ADAMTS13: variants seen among roughly 807,000 people sequenced by gnomAD.
ADAMTS13 encodes ADAM metallopeptidase with thrombospondin type 1 motif 13, also known as A disintegrin and metalloproteinase with thrombospondin motifs 13.
In ADAMTS13, 110 loss-of-function variants were observed where a neutral mutation model predicts 155.1. That is an observed-to-expected ratio of 0.71 (90% confidence interval 0.61 to 0.83). The LOEUF (loss-of-function observed/expected upper bound fraction) is 0.83, where lower values mean the gene tolerates loss of function less well. ADAMTS13 is among the 40% of genes least tolerant of loss of function. The pLI is 0.00. For synonymous variants in ADAMTS13, 758 were observed against 756.4 expected (o/e 1.00, Z -0.03); for missense variants, 1,707 against 1,891.7 (o/e 0.90, Z 1.81).
chr9:133,435,977 CTTTTTTT>C (rs781795173), intron 11 of ADAMTS13, among the ~76,000 whole-genome samples: 1 of 128,402 alleles, frequency 7.8e-6, no homozygotes, highest in Non-Finnish European at 1.7e-5. Flanking sequence ...CTTTTCTCTT[CTTTTTTT>C]TTTTTTTTTT....
rs1840160203 is a variant in ADAMTS13, at chr9:133,424,621, C to T, written c.330+143C>T. ...GGGGTTCTTCCTCTTCTCCCTCCCT[C>T]CCCTGGGTGGAGGTGGGTGAGGTCC... On this transcript the variant is annotated intron_variant, in intron 3 of 28. Transcript: ENST00000355699. The surrounding 1 kb of genome is among the most constrained non-coding windows in gnomAD (Gnocchi z 4.3). 2.3e-6 allele frequency: 3 copies of T among 1,290,700 alleles called. No homozygotes were observed. Among genetic ancestry groups the T allele is most frequent in the Non-Finnish European group, 2.2e-6 (2 of 928,558 alleles). The allele number at this position is 1,290,700 out of a possible 1,614,324, so 80.0% of individuals were successfully genotyped here. A position where few individuals can be genotyped will look rare whatever the true frequency, so the allele number is the denominator to read the frequency against.
At position 133,458,001 on chromosome 9, in the gene ADAMTS13, C is replaced by T; in HGVS notation, c.3816C>T (p.Phe1272=). The change falls in exon 28 of 29, where the codon TTC becomes TTT. Residue 1272 remains phenylalanine, a synonymous_variant. Coordinates refer to ENST00000355699, the MANE Select transcript of ADAMTS13 (RefSeq NM_139027.6). ...ATSNAGGCRL[F]INVAPHARIA... ...GTAATGCAGGGGGCTGCCGGCTCTT[C>T]ATTAATGTGGCTCCGCACGCACGGA... The T allele has an allele frequency of 6.2e-7, 1 of 1,613,642 alleles. No individual in the cohort carries two copies.
At chr9:133,428,794 G>T in intron 7 of ADAMTS13, 23 bp downstream of exon 7, 1 of 1,285,162 alleles carries the variant, frequency 7.8e-7, no homozygotes, top group Non-Finnish European at 9.8e-7. Flanking sequence ...CCGTGGGAGG[G>T]GCGCGCGAGC....
At position 133,426,068 on chromosome 9, in the gene ADAMTS13, C is replaced by G. The variant is rs782661001; in HGVS notation, c.539+6C>G. ...CTGGTCCTCTATATCACTAGGTAGC[C>G]GAGCTTTCTGATGGGTGCTGGCCAG... On this transcript the variant is annotated splice_donor_region_variant and intron_variant, in intron 5 of 28. Coordinates refer to ENST00000355699, the MANE Select transcript of ADAMTS13 (RefSeq NM_139027.6). 1 of 1,613,840 alleles carries G rather than the reference C, an allele frequency of 6.2e-7. No individual in the cohort carries two copies. The highest frequency in any genetic ancestry group is 1.3e-5 in the African/African-American group (1 of 74,914).
intron 11 of ADAMTS13, among the ~76,000 whole-genome samples, chr9:133,436,045 G>A (rs990548746): frequency 2.8e-5 from 4 of 140,992 alleles, no homozygotes; most frequent in Non-Finnish European, 4.5e-5. Context: ...CTTGAACTCC[G>A]ACCCCAGGTG....
upstream of ADAMTS13, chr9:133,421,854 G>A (rs963068463): frequency 6.4e-6 from 1 of 155,276 alleles, no homozygotes; most frequent in Non-Finnish European, 1.4e-5. Flanking sequence ...TAAAAGAGTG[G>A]TTTGGAGCAT....
intron 11 of ADAMTS13, among the ~76,000 whole-genome samples, chr9:133,434,153 A>G (rs1841007103): frequency 1.3e-5 from 2 of 152,048 alleles, no homozygotes; most frequent in South Asian, 4.2e-4. Context: ...CAGTTCATAA[A>G]CCAGGCCAGT....
At chr9:133,429,700 A>G in intron 7 of ADAMTS13, 1 of 693,062 alleles carries the variant, frequency 1.4e-6, no homozygotes, top group Non-Finnish European at 2.6e-6. Flanking sequence ...TCCCACTCAG[A>G]CCCGTCCCTC....
At chr9:133,417,961 G>A (rs1839777927), upstream of ADAMTS13, 4 of 952,546 alleles carry the variant, frequency 4.2e-6, no homozygotes, top group Non-Finnish European at 6.1e-6. Flanking sequence ...CCACCGCAGG[G>A]ACCCCGTCCA....
rs1263953314 is a variant in ADAMTS13, at chr9:133,425,904, T to C, written c.415-34T>C. The stretch of plus-strand genomic sequence containing the variant: ...CAGTCAGCACCGTGCCTGGTTGGGG[T>C]GTCCTAAATGCAGGCTTTGCTGTGG... On this transcript the variant is annotated intron_variant, in intron 4 of 28. Coordinates refer to ENST00000355699, the MANE Select transcript of ADAMTS13 (RefSeq NM_139027.6). The surrounding 1 kb of genome is among the most constrained non-coding windows in gnomAD (Gnocchi z 4.6). The C allele has an allele frequency of 2.5e-6, 4 of 1,612,158 alleles. No individual in the cohort carries two copies. The African/African-American group carries it at 5.3e-5, about 22-fold the overall frequency.
At chr9:133,418,470 A>G (rs192346933), upstream of ADAMTS13, among the ~76,000 whole-genome samples, 270 of 152,348 alleles carry the variant, frequency 1.8e-3, 1 homozygote, top group Middle Eastern at 0.017. Flanking sequence ...ACTCTGTAGC[A>G]GGACGAGCCG....
intron 10 of ADAMTS13, 35 bp from the exon 11 acceptor site, chr9:133,433,606 G>C (rs2130826123): frequency 6.2e-7 from 1 of 1,613,952 alleles, no homozygotes; most frequent in East Asian, 2.2e-5. Context: ...TGGTCACCCT[G>C]CTCTCTCACC....
Position 133,428,776 on chromosome 9 carries a change from C to A in ADAMTS13, c.824+5C>A. 1.5e-6 allele frequency: 2 copies of A among 1,321,590 alleles called. No individual in the cohort carries two copies. 81.9% of individuals were successfully genotyped at this position (1,321,590 alleles called of 1,614,324 possible). Reference sequence around the variant, plus strand: ...GCAGCTGCTGAGCCTGCTCAGGTAGCGGCCGCCCCGTGGGAGGGGCGCGCG... The same window carrying A: ...GCAGCTGCTGAGCCTGCTCAGGTAGAGGCCGCCCCGTGGGAGGGGCGCGCG... On this transcript the variant is annotated splice_donor_5th_base_variant and intron_variant, in intron 7 of 28. Transcript: ENST00000355699.
At position 133,425,918 on chromosome 9, in the gene ADAMTS13, G is replaced by A. The variant is rs782095146; in HGVS notation, c.415-20G>A. ...CCTGGTTGGGGTGTCCTAAATGCAG[G>A]CTTTGCTGTGGGTCCGCAGGGTGCT... On this transcript the variant is annotated intron_variant, in intron 4 of 28. Coordinates refer to ENST00000355699, the MANE Select transcript of ADAMTS13 (RefSeq NM_139027.6). The surrounding 1 kb of genome is among the most constrained non-coding windows in gnomAD (Gnocchi z 4.6). 2.5e-6 allele frequency: 4 copies of A among 1,613,030 alleles called. No homozygotes were observed. The highest frequency in any genetic ancestry group is 3.3e-5 in the Admixed American group (2 of 60,018).
chr9:133,455,458 C>G, intron 25 of ADAMTS13, 23 bp downstream of exon 25: 15 of 1,612,500 alleles, frequency 9.3e-6, no homozygotes, highest in Non-Finnish European at 1.2e-5. Flanking sequence ...TGGTGCCCCA[C>G]GAAGAAGCCG....
chr9:133,454,476 T>C lies in ADAMTS13; in HGVS notation c.3106T>C (p.Ser1036Pro). Residue 1036 changes from serine to proline, a missense_variant, in exon 24 of 29, where the codon TCG becomes CCG. Around this residue, in one of 3 missense-constraint regions of ADAMTS13, gnomAD observed 961 missense variants for 1,107.9 expected, o/e 0.87. Transcript: ENST00000355699. ...CTGTGGCCTTGGCACTGCTAGACGCTCGGTGGCCTGTGTGCAGCTCGACCA... is the reference window on the plus strand; with the variant it reads ...CTGTGGCCTTGGCACTGCTAGACGCCCGGTGGCCTGTGTGCAGCTCGACCA... The part of the protein sequence containing the change: ...ASCGLGTARR[S>P]VACVQLDQGQ... 2 of 1,613,424 alleles carry C rather than the reference T, an allele frequency of 1.2e-6. No individual in the cohort carries two copies. The highest frequency in any genetic ancestry group is 1.7e-6 in the Non-Finnish European group (2 of 1,180,022).
At chr9:133,437,553 C>T (rs1196220022) in intron 12 of ADAMTS13, among the ~76,000 whole-genome samples, 196 bp from the exon 13 acceptor site, 1 of 152,188 alleles carries the variant, frequency 6.6e-6, no homozygotes, top group Non-Finnish European at 1.5e-5. Context: ...CCATTGCGCC[C>T]AGCCTTGGTT....
chr9:133,421,954 TCTC>T (rs1253696009), upstream of ADAMTS13: 2 of 170,106 alleles, frequency 1.2e-5, no homozygotes, highest in Non-Finnish European at 2.5e-5. Context: ...CTTCTGCGAC[TCTC>T]CTCATCAGGC....
chr9:133,425,678 C>A lies in ADAMTS13; in HGVS notation c.414+66C>A. 6.6e-7 allele frequency: 1 copy of A among 1,524,992 alleles called. No homozygotes were observed. Among genetic ancestry groups the A allele is most frequent in the Non-Finnish European group, 9.0e-7 (1 of 1,115,320 alleles). The allele number at this position is 1,524,992 out of a possible 1,614,324, so 94.5% of individuals were successfully genotyped here. A position where few individuals can be genotyped will look rare whatever the true frequency, so the allele number is the denominator to read the frequency against. The stretch of plus-strand genomic sequence containing the variant: ...GAAGCCCAAGTCATCGCATCTCCAT[C>A]CTCTTTAACCTCTTGTCCCGGATGC... On this transcript the variant is annotated intron_variant, in intron 4 of 28. Transcript: ENST00000355699. The surrounding 1 kb of genome is among the most constrained non-coding windows in gnomAD (Gnocchi z 4.6).
Sources: allele counts gnomAD v4.1 joint callset (sites outside exome capture counted in the v4.1 genomes callset), GRCh38; gene constraint gnomAD v4.1.1; regional missense constraint gnomAD v4.1.1; non-coding constraint Gnocchi (gnomAD v3.1); transcripts MANE v1.5; gene names NCBI Gene and HGNC (gene_info 2026-07-23, HGNC 2026-07-21).